Variants in KANK1 observed in about 807,000 individuals in gnomAD.
The protein encoded by KANK1 is KN motif and ankyrin repeat domains 1, also known as KN motif and ankyrin repeat domain-containing protein 1.
A neutral mutation model predicts 106.2 loss-of-function variants in KANK1; 109 were observed. The observed-to-expected ratio is 1.03, with a 90% CI of 0.88 to 1.20. The LOEUF (loss-of-function observed/expected upper bound fraction) is 1.20. Among genes scored for constraint, KANK1 ranks in the 50% most tolerant of loss-of-function variants. The pLI is 0.00. For missense variants in KANK1, 2,399 were observed against 1,710.7 expected (o/e 1.40, Z -7.10); for synonymous variants, 873 against 652.2 (o/e 1.34, Z -5.16).
At chr9:599,594 A>G (rs777896159) in intron 1 of KANK1, among the ~76,000 whole-genome samples, 1 of 151,870 alleles carries the variant, frequency 6.6e-6, no homozygotes, top group Non-Finnish European at 1.5e-5. Context: ...GCTGCAGAGT[A>G]ACCCATCATA....
chr9:674,492 G>A (rs1347678709), intron 1 of KANK1: 2 of 152,044 alleles, frequency 1.3e-5, no homozygotes, highest in African/African-American at 2.4e-5. Context: ...TTTAAACAAT[G>A]AGGGAAATTT....
At chr9:739,210 G>C (rs527818826) in intron 8 of KANK1, among the ~76,000 whole-genome samples, 9 of 152,256 alleles carry the variant, frequency 5.9e-5, no homozygotes, top group South Asian at 4.1e-4. Context: ...TGTTCAAATG[G>C]AGCAGCCTGA....
At chr9:484,043 G>A (rs2058251005) in intron 3 of KANK1, among the ~76,000 whole-genome samples, 2 of 152,252 alleles carry the variant, frequency 1.3e-5, no homozygotes, top group Admixed American at 1.3e-4. Context: ...TAGGGTGCCA[G>A]TTTGCACCAC....
intron 1 of KANK1, among the ~76,000 whole-genome samples, chr9:517,023 ACAC>A (rs2133069447): frequency 6.6e-6 from 1 of 151,462 alleles, no homozygotes; most frequent in Non-Finnish European, 1.5e-5. Flanking sequence ...ACACACACAC[ACAC>A]ATCCGTCTTG....
intron 1 of KANK1, among the ~76,000 whole-genome samples, chr9:545,635 T>G (rs1459500890): frequency 2.6e-5 from 4 of 151,900 alleles, no homozygotes; most frequent in Admixed American, 6.6e-5. Context: ...AATTGAGTCA[T>G]TTTGCTGGGC....
chr9:696,020 C>T (rs958627332), intron 2 of KANK1, among the ~76,000 whole-genome samples: 2 of 152,120 alleles, frequency 1.3e-5, no homozygotes, highest in African/African-American at 2.4e-5. Context: ...GGGCCAGGCG[C>T]GGTGGCTCAT....
At chr9:604,316 A>C (rs1056416504) in intron 1 of KANK1, among the ~76,000 whole-genome samples, 18 of 151,714 alleles carry the variant, frequency 1.2e-4, no homozygotes, top group Non-Finnish European at 2.4e-4. Flanking sequence ...ATCTCATCTC[A>C]AATTGTAATC....
chr9:560,671 T>C (rs933625447), intron 1 of KANK1, among the ~76,000 whole-genome samples: 5 of 152,218 alleles, frequency 3.3e-5, no homozygotes, highest in Admixed American at 2.6e-4. Flanking sequence ...AATGTCATGA[T>C]ATTCTAGTTT....
At chr9:593,201 T>C (rs1471067657) in intron 1 of KANK1, among the ~76,000 whole-genome samples, 1 of 151,884 alleles carries the variant, frequency 6.6e-6, no homozygotes, top group East Asian at 1.9e-4. Context: ...TGGCAGACCA[T>C]GTGTTCCAGT....
At chr9:538,601 G>T (rs1384524671) in intron 1 of KANK1, among the ~76,000 whole-genome samples, 1 of 152,158 alleles carries the variant, frequency 6.6e-6, no homozygotes, top group Non-Finnish European at 1.5e-5. Flanking sequence ...CCTTCAAACA[G>T]GTGGGTTTCA....
At chr9:479,156 C>G (rs774530146) in intron 3 of KANK1, among the ~76,000 whole-genome samples, 1 of 152,204 alleles carries the variant, frequency 6.6e-6, no homozygotes, top group South Asian at 2.1e-4. Context: ...AATTTTATAT[C>G]GTGCTCTTTG....
intron 1 of KANK1, among the ~76,000 whole-genome samples, chr9:604,325 T>G (rs1323774470): frequency 6.6e-6 from 1 of 151,686 alleles, no homozygotes; most frequent in East Asian, 1.9e-4. Flanking sequence ...CAAATTGTAA[T>G]CCCCACGTGT....
intron 1 of KANK1, among the ~76,000 whole-genome samples, chr9:542,300 G>T (rs114172662): frequency 2.3e-3 from 344 of 152,340 alleles, no homozygotes; most frequent in African/African-American, 8.1e-3. Flanking sequence ...AGGAGTTCAA[G>T]ACTGGCCTAG....
At chr9:540,071 T>C (rs1374416661) in intron 1 of KANK1, among the ~76,000 whole-genome samples, 1 of 152,238 alleles carries the variant, frequency 6.6e-6, no homozygotes, top group East Asian at 1.9e-4. Context: ...TAGTACTATA[T>C]TGAATAGAAG....
At chr9:569,808 A>C (rs965391057) in intron 1 of KANK1, among the ~76,000 whole-genome samples, 3 of 148,496 alleles carry the variant, frequency 2.0e-5, no homozygotes, top group African/African-American at 7.4e-5. Flanking sequence ...TTTTGTAATC[A>C]TTTTTCAAAC....
At chr9:548,763 C>CAAAA (rs1240161202) in intron 1 of KANK1, among the ~76,000 whole-genome samples, 62 of 152,036 alleles carry the variant, frequency 4.1e-4, no homozygotes, top group African/African-American at 1.5e-3. Context: ...TTTATAATGA[C>CAAAA]CACGTTATGT....
chr9:585,072 C>G (rs1493996), intron 1 of KANK1, among the ~76,000 whole-genome samples: 10 of 152,330 alleles, frequency 6.6e-5, no homozygotes, highest in African/African-American at 2.2e-4. Flanking sequence ...ACTCAACTCT[C>G]TTTGGGCTTG....
chr9:633,500 C>T (rs78482117), intron 1 of KANK1, among the ~76,000 whole-genome samples: 9,509 of 152,068 alleles, frequency 0.063, 806 homozygotes, highest in East Asian at 0.24. Flanking sequence ...TTTGTCTTGC[C>T]ATTCAAGTTA....
chr9:730,329 C>G, intron 4 of KANK1, 81 bp downstream of exon 4: 1 of 1,328,386 alleles, frequency 7.5e-7, no homozygotes, highest in African/African-American at 1.4e-5. Flanking sequence ...GTCAATGTAC[C>G]TTTTAAATTG....
Sources: allele counts gnomAD v4.1 joint callset (sites outside exome capture counted in the v4.1 genomes callset), GRCh38; gene constraint gnomAD v4.1.1; transcripts MANE v1.5; gene names NCBI Gene and HGNC (gene_info 2026-07-23, HGNC 2026-07-21).